The following GADL1 variants were observed in gnomAD, a reference collection of about 807,000 sequenced individuals.
GADL1 encodes the protein GAD like acidic amino acid decarboxylase 1, also known as acidic amino acid decarboxylase GADL1.
Under a neutral mutation model 69.5 loss-of-function variants are expected in GADL1, and 71 were observed. The ratio of observed to expected loss-of-function variants is 1.02; its 90% CI spans 0.84 to 1.25. The LOEUF (loss-of-function observed/expected upper bound fraction) is 1.25, where lower values mean the gene tolerates loss of function less well. GADL1 is among the 50% of genes most tolerant of loss of function. The pLI, the probability that GADL1 is intolerant of heterozygous loss-of-function variation, is 0.00. For missense variants in GADL1, 737 were observed against 631.8 expected, an observed-to-expected ratio of 1.17 and a Z score of -1.79; for synonymous variants, 254 against 214.4, an observed-to-expected ratio of 1.18 and a Z score of -1.62.
Position 30,732,732 on chromosome 3 carries a change from A to G in GADL1, c.1393-4317T>C, listed in dbSNP as rs186948476. Among the ~76,000 whole-genome samples the G allele has an allele frequency of 3.9e-4, 59 of 152,304 alleles. No individual in the cohort carries two copies. In the East Asian group the frequency reaches 7.9e-3, roughly 20 times the overall value. On this transcript the variant is annotated intron_variant, in intron 14 of 14. Coordinates refer to ENST00000282538, the MANE Select transcript of GADL1 (RefSeq NM_207359.3). The stretch of plus-strand genomic sequence containing the variant: ...CTTTTTAAGAATTTGTTATATACTC[A>G]GTGTTAACAAGAACAGTTTTTCAAA...
At chr3:30,792,770 G>C (rs1293923198) in intron 12 of GADL1, among the ~76,000 whole-genome samples, 1 of 152,054 alleles carries the variant, frequency 6.6e-6, no homozygotes, top group Non-Finnish European at 1.5e-5. Flanking sequence ...AAGAGCAGAG[G>C]GGGCTATAGC....
At chr3:30,848,483 C>T (rs1285081991) in intron 6 of GADL1, among the ~76,000 whole-genome samples, 2 of 152,128 alleles carry the variant, frequency 1.3e-5, no homozygotes, top group Non-Finnish European at 2.9e-5. Flanking sequence ...TACAGGAAAG[C>T]CTAGCTGGAA....
rs567382158 is a variant in GADL1, at chr3:30,835,278, G to T, written c.904-997C>A. 4.1e-4 allele frequency among the ~76,000 whole-genome samples: 62 copies of T among 152,216 alleles called. No individual in the cohort carries two copies. The South Asian group carries it at 4.1e-3, about 10-fold the overall frequency. On this transcript the variant is annotated intron_variant, in intron 9 of 14. Transcript: ENST00000282538. ...GGAGTATAGCATGTAGAATGAGGGT[G>T]ACAGAGATGCTTTAGGCAATAGGTA... is the stretch of plus-strand genomic sequence containing the variant.
chr3:30,740,750 T>C (rs1344979772), intron 14 of GADL1, among the ~76,000 whole-genome samples: 1 of 151,566 alleles, frequency 6.6e-6, no homozygotes, highest in Non-Finnish European at 1.5e-5. Context: ...TTGTATATTT[T>C]TGTTTTGGGT....
intron 14 of GADL1, among the ~76,000 whole-genome samples, chr3:30,760,139 T>G (rs1044223563): frequency 6.6e-6 from 1 of 152,154 alleles, no homozygotes; most frequent in African/African-American, 2.4e-5. Flanking sequence ...CAAAGAAAAC[T>G]TGGATGTACC....
Position 30,727,134 on chromosome 3 carries a change from T to TAC in GADL1, c.*1106_*1107dup, listed in dbSNP as rs1695379377. 1 of 150,496 alleles carries TAC rather than the reference T, an allele frequency of 6.6e-6. No individual in the cohort carries two copies. Among genetic ancestry groups the TAC allele is most frequent in the Non-Finnish European group, 1.5e-5 (1 of 67,722 alleles). The allele number at this position is 150,496 out of a possible 1,614,324, so 9.3% of individuals were successfully genotyped here. A position where few individuals can be genotyped will look rare whatever the true frequency, so the allele number is the denominator to read the frequency against. On this transcript the variant is annotated 3_prime_UTR_variant, in exon 15 of 15. Transcript: ENST00000282538. ...ACATATGTATGTGTGTGTATATATA[T>TAC]ACATATATATGTATATATGTATATC...
At chr3:30,848,731 G>A (rs1205368026) in intron 6 of GADL1, among the ~76,000 whole-genome samples, 1 of 152,160 alleles carries the variant, frequency 6.6e-6, no homozygotes, top group Non-Finnish European at 1.5e-5. Context: ...GTTGCAGCTG[G>A]AACATTCTCC....
intron 14 of GADL1, among the ~76,000 whole-genome samples, chr3:30,764,321 G>A (rs1696215571): frequency 6.6e-6 from 1 of 152,092 alleles, no homozygotes; most frequent in Non-Finnish European, 1.5e-5. Flanking sequence ...AGATTCTGGT[G>A]TGTAGACTCT....
chr3:30,785,463 C>T (rs750584480), intron 13 of GADL1, among the ~76,000 whole-genome samples: 3 of 150,542 alleles, frequency 2.0e-5, no homozygotes, highest in Non-Finnish European at 4.4e-5. Context: ...CTCACCGCAA[C>T]CACCGCCTCC....
intron 8 of GADL1, among the ~76,000 whole-genome samples, chr3:30,842,002 CA>C (rs1207090688): frequency 6.6e-6 from 1 of 152,108 alleles, no homozygotes; most frequent in South Asian, 2.1e-4. Context: ...ATGTAATCCA[CA>C]AAAATCTATA....
At chr3:30,835,034 G>A (rs547429019) in intron 9 of GADL1, among the ~76,000 whole-genome samples, 41 of 152,098 alleles carry the variant, frequency 2.7e-4, no homozygotes, top group Non-Finnish European at 4.6e-4. Flanking sequence ...GAAGGGACTA[G>A]CTTGGGCTGT....
Position 30,844,200 on chromosome 3 carries a change from C to T in GADL1, c.786+10G>A, listed in dbSNP as rs1487463110. The T allele has an allele frequency of 6.2e-7, 1 of 1,609,144 alleles. No individual in the cohort carries two copies. The highest frequency in any genetic ancestry group is 8.5e-7 in the Non-Finnish European group (1 of 1,177,122). Reference sequence around the variant, plus strand: ...ACGTTCTCTCTCCCTCTCGCTTTCTCCCCTCTCACCTCTTTTCTGGCTTGC... The same window carrying T: ...ACGTTCTCTCTCCCTCTCGCTTTCTTCCCTCTCACCTCTTTTCTGGCTTGC... On this transcript the variant is annotated intron_variant, in intron 8 of 14. Coordinates refer to ENST00000282538, the MANE Select transcript of GADL1 (RefSeq NM_207359.3).
chr3:30,751,828 GTC>G (rs751761428), intron 14 of GADL1, among the ~76,000 whole-genome samples: 59 of 152,158 alleles, frequency 3.9e-4, no homozygotes, highest in East Asian at 2.3e-3. Flanking sequence ...AGCTTTTTTT[GTC>G]TCTGACTAAA....
At chr3:30,821,409 C>CT (rs1320714356) in intron 11 of GADL1, among the ~76,000 whole-genome samples, 3 of 151,682 alleles carry the variant, frequency 2.0e-5, no homozygotes, top group South Asian at 2.1e-4. Context: ...TTTTTTTTCT[C>CT]TTTTTTTATA....
intron 13 of GADL1, among the ~76,000 whole-genome samples, chr3:30,785,381 TC>T (rs1696766395): frequency 8.2e-6 from 1 of 121,934 alleles, no homozygotes; most frequent in African/African-American, 4.0e-5. Context: ...GATTTCTTTT[TC>T]TTTTTTTTTT....
At chr3:30,797,452 G>C (rs1697060857) in intron 12 of GADL1, among the ~76,000 whole-genome samples, 1 of 152,086 alleles carries the variant, frequency 6.6e-6, no homozygotes, top group African/African-American at 2.4e-5. Flanking sequence ...GACATCCCAG[G>C]CATTGATCTA....
chr3:30,804,537 C>A (rs1014130369), intron 11 of GADL1, among the ~76,000 whole-genome samples: 2 of 149,624 alleles, frequency 1.3e-5, no homozygotes, highest in East Asian at 4.0e-4. Context: ...CCGATATCTC[C>A]CTTTATCTGA....
At chr3:30,875,298 A>G (rs1698562641) in intron 1 of GADL1, among the ~76,000 whole-genome samples, 1 of 151,844 alleles carries the variant, frequency 6.6e-6, no homozygotes, top group Admixed American at 6.6e-5. Context: ...GGAAGAAAGG[A>G]TTCTGAAACC....
intron 14 of GADL1, among the ~76,000 whole-genome samples, chr3:30,742,573 C>A (rs1286099546): frequency 6.6e-6 from 1 of 151,912 alleles, no homozygotes; most frequent in Admixed American, 6.6e-5. Flanking sequence ...ATATTTGGGT[C>A]TTCTCCATTT....
Sources: gnomAD v4.1 joint callset for allele counts (sites outside exome capture counted in the v4.1 genomes callset) on GRCh38, gnomAD v4.1.1 for gene constraint, MANE v1.5 for transcripts, NCBI Gene and HGNC (gene_info 2026-07-23, HGNC 2026-07-21) for gene names.